TNRC6A: variants seen among roughly 807,000 people sequenced by gnomAD.
TNRC6A encodes trinucleotide repeat containing adaptor 6A, also known as trinucleotide repeat-containing gene 6A protein.
Under a neutral mutation model 221.2 loss-of-function variants are expected in TNRC6A, and 44 were observed. The observed-to-expected ratio is 0.20, with a 90% CI of 0.16 to 0.26. TNRC6A has a LOEUF of 0.26. Ranked by LOEUF, TNRC6A falls within the 10% of genes least tolerant of loss-of-function variation. The pLI, the probability that TNRC6A is intolerant of heterozygous loss-of-function variation, is 1.00. For missense variants in TNRC6A, 2,199 were observed against 2,404.4 expected, an observed-to-expected ratio of 0.91 and a Z score of 1.79; for synonymous variants, 847 against 838.5, an observed-to-expected ratio of 1.01 and a Z score of -0.18.
chr16:24,679,371 T>C (rs542156613), intron 2 of TNRC6A, among the ~76,000 whole-genome samples: 325 of 152,142 alleles, frequency 2.1e-3, no homozygotes, highest in Non-Finnish European at 3.4e-3. Flanking sequence ...TGGCACAATC[T>C]TGGCTCAAGG....
At chr16:24,737,938 A>G (rs1009774496) in intron 2 of TNRC6A, among the ~76,000 whole-genome samples, 5 of 152,216 alleles carry the variant, frequency 3.3e-5, no homozygotes, top group African/African-American at 4.8e-5. Context: ...AATTGACTGT[A>G]TAACTGATGT....
At chr16:24,761,524 T>TA (rs753081153) in intron 4 of TNRC6A, among the ~76,000 whole-genome samples, 3 of 152,044 alleles carry the variant, frequency 2.0e-5, no homozygotes, top group Admixed American at 1.3e-4. Flanking sequence ...GAAAATTTTT[T>TA]AAAAACAGTT....
chr16:24,648,805 T>TCAC (rs1902456928), intron 2 of TNRC6A, among the ~76,000 whole-genome samples: 1 of 152,224 alleles, frequency 6.6e-6, no homozygotes, highest in African/African-American at 2.4e-5. Context: ...GAAAAACTTA[T>TCAC]CAAACTCACT....
intron 2 of TNRC6A, among the ~76,000 whole-genome samples, chr16:24,737,068 A>G (rs1390016578): frequency 6.6e-6 from 1 of 152,206 alleles, no homozygotes; most frequent in Non-Finnish European, 1.5e-5. Flanking sequence ...CGGTGCCACC[A>G]GACCAAGGGT....
intron 2 of TNRC6A, among the ~76,000 whole-genome samples, chr16:24,690,810 CTT>C (rs11440232): frequency 0.18 from 25,528 of 142,478 alleles, 2,333 homozygotes; most frequent in South Asian, 0.26. Context: ...TCTTTTCTTT[CTT>C]TTTTTTTTTT....
chr16:24,706,959 GTATT>G (rs1398611208), intron 2 of TNRC6A, among the ~76,000 whole-genome samples: 3 of 146,348 alleles, frequency 2.0e-5, no homozygotes, highest in Non-Finnish European at 4.4e-5. Flanking sequence ...GATAAACGAT[GTATT>G]TATTTATTTA....
intron 15 of TNRC6A, among the ~76,000 whole-genome samples, 156 bp from the exon 16 acceptor site, chr16:24,806,048 CAG>C (rs1262310491): frequency 6.6e-6 from 1 of 152,046 alleles, no homozygotes; most frequent in African/African-American, 2.4e-5. Flanking sequence ...GACTAGAAAC[CAG>C]AGAGTCCAAG....
At chr16:24,651,138 A>ACAGT (rs1902619081) in intron 2 of TNRC6A, among the ~76,000 whole-genome samples, 1 of 151,918 alleles carries the variant, frequency 6.6e-6, no homozygotes, top group Non-Finnish European at 1.5e-5. Flanking sequence ...ATTGTTTATA[A>ACAGT]CAGTCACTAA....
chr16:24,790,332 C>A lies in TNRC6A; in HGVS notation c.1690C>A (p.Gln564Lys). ...AAATGGTCCTATGGGCACTAACTTT[C>A]AAGTTAACACAAACAAAGGAGGTGG... ...GVNGPMGTNF[Q>K]VNTNKGGGVW... The change falls in exon 6 of 25, where the codon CAA becomes AAA. Residue 564 changes from glutamine (Q) to lysine (K), a missense_variant. Transcript: ENST00000395799. 1 of 1,614,174 alleles carries A rather than the reference C, an allele frequency of 6.2e-7. No homozygotes were observed. The highest frequency in any genetic ancestry group is 8.5e-7 in the Non-Finnish European group (1 of 1,180,032).
chr16:24,745,033 C>T (rs1362654562), intron 2 of TNRC6A, among the ~76,000 whole-genome samples: 3 of 152,064 alleles, frequency 2.0e-5, no homozygotes, highest in Admixed American at 6.6e-5. Flanking sequence ...TGGATATATC[C>T]ATTTTATTTA....
At chr16:24,741,739 C>T (rs1282285195) in intron 2 of TNRC6A, among the ~76,000 whole-genome samples, 3 of 152,182 alleles carry the variant, frequency 2.0e-5, no homozygotes, top group African/African-American at 7.2e-5. Flanking sequence ...GCACTTCCTC[C>T]TTTGGTTGCA....
intron 2 of TNRC6A, among the ~76,000 whole-genome samples, chr16:24,646,265 G>A (rs997471617): frequency 6.6e-6 from 1 of 152,020 alleles, no homozygotes; most frequent in African/African-American, 2.4e-5. Flanking sequence ...CATTCCCTTT[G>A]TTTCAAGAAA....
intron 2 of TNRC6A, among the ~76,000 whole-genome samples, chr16:24,647,760 C>T (rs546333006): frequency 1.9e-4 from 29 of 152,212 alleles, no homozygotes; most frequent in Middle Eastern, 3.4e-3. Flanking sequence ...TACAGGCACG[C>T]GCCACCATGC....
intron 11 of TNRC6A, chr16:24,803,927 A>G (rs2058377680): frequency 2.7e-6 from 1 of 370,746 alleles, no homozygotes; most frequent in Admixed American, 4.8e-5. Flanking sequence ...AAGTGAGGTT[A>G]TCAGCCAGCC....
upstream of TNRC6A, among the ~76,000 whole-genome samples, chr16:24,726,944 T>C (rs2056502609): frequency 6.6e-6 from 1 of 152,064 alleles, no homozygotes; most frequent in Admixed American, 6.6e-5. Context: ...CATGACCTCA[T>C]ATAAAACACT....
At chr16:24,706,128 T>C (rs907502702) in intron 2 of TNRC6A, among the ~76,000 whole-genome samples, 2 of 152,146 alleles carry the variant, frequency 1.3e-5, no homozygotes, top group African/African-American at 4.8e-5. Context: ...AACAAAAATG[T>C]AGGAAAATGA....
At chr16:24,729,093 G>A (rs2056544123), upstream of TNRC6A, among the ~76,000 whole-genome samples, 1 of 151,974 alleles carries the variant, frequency 6.6e-6, no homozygotes, top group South Asian at 2.1e-4. Flanking sequence ...ATCCGTGCAG[G>A]CGGAACTGCT....
intron 2 of TNRC6A, among the ~76,000 whole-genome samples, chr16:24,701,454 T>C (rs577796239): frequency 8.6e-5 from 13 of 151,640 alleles, no homozygotes; most frequent in South Asian, 2.1e-4. Context: ...GCAACCTCCA[T>C]CTTCTGGGTT....
intron 19 of TNRC6A, 66 bp downstream of exon 19, chr16:24,815,371 A>G: frequency 6.4e-7 from 1 of 1,558,700 alleles, no homozygotes; most frequent in Non-Finnish European, 8.8e-7. Context: ...TTACATCTGG[A>G]CTTACTACTG....
Sources: allele counts gnomAD v4.1 joint callset (sites outside exome capture counted in the v4.1 genomes callset), GRCh38; gene constraint gnomAD v4.1.1; transcripts MANE v1.5; gene names NCBI Gene and HGNC (gene_info 2026-07-23, HGNC 2026-07-21).